The following MAL variants were observed in gnomAD, a reference collection of about 807,000 sequenced individuals.
MAL encodes myelin and lymphocyte protein.
MAL carries 5 observed loss-of-function variants against 16.7 expected under a neutral mutation model. The observed-to-expected ratio is 0.30, with a 90% CI of 0.16 to 0.63. The LOEUF is 0.63. MAL is among the 30% of genes least tolerant of loss of function. The pLI is 0.82. For missense variants in MAL, 202 were observed against 195.8 expected (o/e 1.03, Z -0.19); for synonymous variants, 96 against 85.5 (o/e 1.12, Z -0.67).
chr2:95,027,693 C>T (rs1431919250), intron 1 of MAL, among the ~76,000 whole-genome samples: 4 of 150,484 alleles, frequency 2.7e-5, no homozygotes, highest in Admixed American at 1.3e-4. Flanking sequence ...CTGGCCACCC[C>T]GGGAGAGTTT....
Position 95,037,466 on chromosome 2 carries a change from AACTGAGTG to A in MAL, c.94-10475_94-10468del, listed in dbSNP as rs1422857488. 2.8e-3 allele frequency among the ~76,000 whole-genome samples: 157 copies of A among 55,870 alleles called. 1 individual carries two copies. The highest frequency in any genetic ancestry group is 0.02 in the South Asian group (31 of 1,588). The allele number at this position is 55,870 out of a possible 152,430, so 36.7% of individuals were successfully genotyped here. A position where few individuals can be genotyped will look rare whatever the true frequency, so the allele number is the denominator to read the frequency against. Reference sequence around the variant, plus strand: ...TGACTGAGTGAGTGACTGAGTGACTAACTGAGTGACTGAGTGACTGAGTGAGTGACTGA... The same window carrying A: ...TGACTGAGTGAGTGACTGAGTGACTAACTGAGTGACTGAGTGAGTGACTGA... On this transcript the variant is annotated intron_variant, in intron 1 of 3. Transcript: ENST00000309988.
intron 1 of MAL, among the ~76,000 whole-genome samples, chr2:95,036,353 G>A (rs1674205789): frequency 6.6e-6 from 1 of 152,148 alleles, no homozygotes; most frequent in Admixed American, 6.5e-5. Flanking sequence ...CAACTACCGG[G>A]CTCTGTACCT....
At position 95,053,556 on chromosome 2, in the gene MAL, A is replaced by T; in HGVS notation, c.*101A>T. The T allele has an allele frequency of 1.0e-6, 1 of 958,466 alleles. No individual in the cohort carries two copies. The highest frequency in any genetic ancestry group is 2.4e-5 in the East Asian group (1 of 41,696). 59.4% of individuals were successfully genotyped at this position (958,466 alleles called of 1,614,324 possible). ...AAACAGAAATGCCCTTGATGGTGGA[A>T]AAAAGAAAACAACCACCCCCCCACT... On this transcript the variant is annotated 3_prime_UTR_variant, in exon 4 of 4. Coordinates refer to ENST00000309988, the MANE Select transcript of MAL (RefSeq NM_002371.4).
At chr2:95,040,743 C>G (rs1674442402) in intron 1 of MAL, among the ~76,000 whole-genome samples, 1 of 152,208 alleles carries the variant, frequency 6.6e-6, no homozygotes, top group African/African-American at 2.4e-5. Context: ...CCTCCCTCGT[C>G]TGGCGGGGAC....
At position 95,047,907 on chromosome 2, in the gene MAL, TG is replaced by T. The variant is rs1674626671; in HGVS notation, c.94-49del. 1.9e-6 allele frequency: 3 copies of T among 1,571,192 alleles called. No homozygotes were observed. The Admixed American group carries it at 5.4e-5, about 28-fold the overall frequency. On this transcript the variant is annotated intron_variant, in intron 1 of 3. Coordinates refer to ENST00000309988, the MANE Select transcript of MAL (RefSeq NM_002371.4). ...GTGACCGCTGGTCGGGGGCCCTTCC[TG>T]GGCTGGGGCTCTCCTCTAGGCCAAA... is the stretch of plus-strand genomic sequence containing the variant.
chr2:95,045,954 C>G (rs1674576785), intron 1 of MAL, among the ~76,000 whole-genome samples: 1 of 152,122 alleles, frequency 6.6e-6, no homozygotes, highest in African/African-American at 2.4e-5. Flanking sequence ...ACAGTGCATC[C>G]CACCGGCCCT....
intron 1 of MAL, among the ~76,000 whole-genome samples, chr2:95,026,924 C>A (rs2104322863): frequency 6.6e-6 from 1 of 152,156 alleles, no homozygotes; most frequent in South Asian, 2.1e-4. Flanking sequence ...GTGTGAATAC[C>A]AAAGGGAGCA....
At chr2:95,049,950 G>A (rs938197441) in intron 3 of MAL, among the ~76,000 whole-genome samples, 8 of 152,210 alleles carry the variant, frequency 5.3e-5, no homozygotes, top group African/African-American at 1.7e-4. Flanking sequence ...TTTGCAGAGG[G>A]CAGATGTGTG....
chr2:95,051,109 G>A (rs911465593), intron 3 of MAL, among the ~76,000 whole-genome samples: 25 of 152,320 alleles, frequency 1.6e-4, no homozygotes, highest in African/African-American at 5.5e-4. Context: ...CCCAGCTAGG[G>A]GAATGAACAC....
chr2:95,037,081 GTGAA>G (rs1674236372), intron 1 of MAL, among the ~76,000 whole-genome samples: 2 of 150,326 alleles, frequency 1.3e-5, no homozygotes, highest in South Asian at 2.1e-4. Context: ...GAGTGGGTGA[GTGAA>G]TGAGTGAGTG....
At chr2:95,041,403 T>C (rs1200390710) in intron 1 of MAL, among the ~76,000 whole-genome samples, 1 of 152,214 alleles carries the variant, frequency 6.6e-6, no homozygotes, top group East Asian at 1.9e-4. Flanking sequence ...AAATTCTGGC[T>C]CTTTTTGGAC....
intron 1 of MAL, among the ~76,000 whole-genome samples, chr2:95,033,194 C>T (rs1029322969): frequency 3.3e-5 from 5 of 152,124 alleles, no homozygotes; most frequent in African/African-American, 4.8e-5. Flanking sequence ...AATAGGGCCA[C>T]GGGGAAGGAC....
At chr2:95,040,625 A>C (rs1245636499) in intron 1 of MAL, among the ~76,000 whole-genome samples, 4 of 152,138 alleles carry the variant, frequency 2.6e-5, no homozygotes, top group Non-Finnish European at 5.9e-5. Context: ...GAGTGAATAG[A>C]TTGCCAGAAA....
chr2:95,049,159 T>C (rs996506888), intron 2 of MAL, among the ~76,000 whole-genome samples: 3 of 151,772 alleles, frequency 2.0e-5, no homozygotes, highest in African/African-American at 7.3e-5. Context: ...AAATAAGCAA[T>C]GAAACAAAAC....
chr2:95,029,195 G>A (rs1674019625), intron 1 of MAL, among the ~76,000 whole-genome samples: 1 of 152,196 alleles, frequency 6.6e-6, no homozygotes, highest in South Asian at 2.1e-4. Context: ...TATGTATTAA[G>A]GAAATGAAGC....
chr2:95,037,117 G>GTC (rs1674238485), intron 1 of MAL, among the ~76,000 whole-genome samples: 1 of 150,412 alleles, frequency 6.6e-6, no homozygotes, highest in Non-Finnish European at 1.5e-5. Context: ...GAGTGACTGA[G>GTC]TGGGTGAGTG....
chr2:95,027,639 T>C (rs928135512), intron 1 of MAL, among the ~76,000 whole-genome samples: 12 of 152,208 alleles, frequency 7.9e-5, no homozygotes, highest in African/African-American at 2.9e-4. Flanking sequence ...CTGTATATAT[T>C]TGATGTGTGG....
chr2:95,025,846 C>A lies in MAL; in HGVS notation c.54C>A (p.Val18=). 1 of 1,578,698 alleles carries A rather than the reference C, an allele frequency of 6.3e-7. No homozygotes were observed. Among genetic ancestry groups the A allele is most frequent in the Non-Finnish European group, 8.6e-7 (1 of 1,163,254 alleles). ...GGSTLPSGFS[V]FTTLPDLLFI... Reference sequence around the variant, plus strand: ...GCACCCTGCCCAGTGGCTTCTCGGTCTTCACCACCTTGCCCGACTTGCTCT... The same window carrying A: ...GCACCCTGCCCAGTGGCTTCTCGGTATTCACCACCTTGCCCGACTTGCTCT... Residue 18 remains valine (V), a synonymous_variant, in exon 1 of 4, where the codon GTC becomes GTA. Transcript: ENST00000309988. This position sits in a 1 kb window ranked among gnomAD's most constrained non-coding sequence, Gnocchi z 5.6.
chr2:95,035,106 A>G (rs1300003978), intron 1 of MAL, among the ~76,000 whole-genome samples: 1 of 151,842 alleles, frequency 6.6e-6, no homozygotes, highest in East Asian at 1.9e-4. Context: ...TCCCCAAGAG[A>G]CTCTGGGAGT....
Sources: gnomAD v4.1 joint callset for allele counts (sites outside exome capture counted in the v4.1 genomes callset) on GRCh38, gnomAD v4.1.1 for gene constraint, Gnocchi (gnomAD v3.1) non-coding constraint, MANE v1.5 for transcripts, NCBI Gene and HGNC (gene_info 2026-07-23, HGNC 2026-07-21) for gene names.